The following MMEL1 variants were observed in gnomAD, a reference collection of about 807,000 sequenced individuals.
The protein encoded by MMEL1 is membrane metalloendopeptidase like 1, also known as membrane metallo-endopeptidase-like 1.
Under a neutral mutation model 117.1 loss-of-function variants are expected in MMEL1, and 98 were observed. The ratio of observed to expected loss-of-function variants is 0.84; its 90% CI spans 0.71 to 0.99. The LOEUF is 0.99. Among genes scored for constraint, MMEL1 ranks in the 50% least tolerant of loss-of-function variants. The pLI, the probability that MMEL1 is intolerant of heterozygous loss-of-function variation, is 0.00. For synonymous variants in MMEL1, 390 were observed against 415.1 expected (o/e 0.94, Z 0.74); for missense variants, 1,014 against 1,049.1 (o/e 0.97, Z 0.46).
intron 5 of MMEL1, 30 bp downstream of exon 5, chr1:2,609,640 C>T: frequency 6.3e-7 from 1 of 1,590,754 alleles, no homozygotes; most frequent in African/African-American, 1.3e-5. Context: ...TCGGCGTCAC[C>T]CCACTGCACC....
intron 2 of MMEL1, among the ~76,000 whole-genome samples, chr1:2,619,527 G>A (rs920401020): frequency 3.3e-5 from 5 of 151,798 alleles, no homozygotes; most frequent in Non-Finnish European, 2.9e-5. Flanking sequence ...GCATGGTGGC[G>A]GACACCTGTA....
At chr1:2,624,225 T>C (rs541736773) in intron 2 of MMEL1, among the ~76,000 whole-genome samples, 5 of 152,270 alleles carry the variant, frequency 3.3e-5, no homozygotes, top group East Asian at 3.9e-4. Flanking sequence ...CTCTGTGTCA[T>C]AGGCATCCAG....
chr1:2,623,626 T>C (rs1195619838), intron 2 of MMEL1, among the ~76,000 whole-genome samples: 1 of 152,214 alleles, frequency 6.6e-6, no homozygotes, highest in African/African-American at 2.4e-5. Flanking sequence ...GGCTGCTACA[T>C]GAGTTTGGAG....
chr1:2,590,787 G>A lies in MMEL1; in HGVS notation c.*203C>T, dbSNP rs541777439. 8 of 411,304 alleles carry A rather than the reference G, an allele frequency of 1.9e-5. No individual in the cohort carries two copies. Among genetic ancestry groups the A allele is most frequent in the South Asian group, 9.4e-5 (1 of 10,616 alleles). The allele number at this position is 411,304 out of a possible 1,614,324, so 25.5% of individuals were successfully genotyped here. Reference sequence around the variant, plus strand: ...CGCGGGTGTCTGTGGAGGGGGCTCCGGTCCAGGTACTGCACTGGACACTGC... The same window carrying A: ...CGCGGGTGTCTGTGGAGGGGGCTCCAGTCCAGGTACTGCACTGGACACTGC... On this transcript the variant is annotated 3_prime_UTR_variant, in exon 24 of 24. Transcript: ENST00000378412.
rs532256742 is a variant in MMEL1 at position 2,599,961 on chromosome 1, A to G, written c.1042-1171T>C. Among the ~76,000 whole-genome samples the G allele has an allele frequency of 2.0e-5, 3 of 152,056 alleles. No homozygotes were observed. The South Asian group carries it at 6.2e-4, about 32-fold the overall frequency. The stretch of plus-strand genomic sequence containing the variant: ...CAACAAAAACAACTCCATAGCAAAC[A>G]TAACTTTTTTTTAAATTTATTTTTG... On this transcript the variant is annotated intron_variant, in intron 11 of 23. Transcript: ENST00000378412.
chr1:2,612,212 G>T lies in MMEL1; in HGVS notation c.155-8C>A. 2 of 1,563,658 alleles carry T rather than the reference G, an allele frequency of 1.3e-6. No homozygotes were observed. Among genetic ancestry groups the T allele is most frequent in the South Asian group, 1.2e-5 (1 of 85,168 alleles). ...GGCGTGGCAGCTGCTTCCCTGGGGA[G>T]AAACACAGCGCTCAGCTGCGGCCTC... On this transcript the variant is annotated splice_polypyrimidine_tract_variant and splice_region_variant and intron_variant, in intron 2 of 23. Transcript: ENST00000378412. The surrounding 1 kb of genome is among the most constrained non-coding windows in gnomAD (Gnocchi z 5.4).
At chr1:2,600,536 GAA>G (rs56126904) in intron 11 of MMEL1, among the ~76,000 whole-genome samples, 6,157 of 150,546 alleles carry the variant, frequency 0.041, 215 homozygotes, top group African/African-American at 0.095. Context: ...CTGTTTCTGG[GAA>G]AAAAAAAAAA....
chr1:2,611,429 G>T, intron 3 of MMEL1, 89 bp from the exon 4 acceptor site: 1 of 773,438 alleles, frequency 1.3e-6, no homozygotes. Flanking sequence ...GGTCTGGTGG[G>T]TGTGGCATGG....
intron 2 of MMEL1, among the ~76,000 whole-genome samples, chr1:2,626,457 T>G (rs1415979440): frequency 6.6e-6 from 1 of 152,252 alleles, no homozygotes; most frequent in Non-Finnish European, 1.5e-5. Context: ...GCCACATACA[T>G]GCTTCATCTC....
At chr1:2,624,163 C>G (rs1233414496) in intron 2 of MMEL1, among the ~76,000 whole-genome samples, 1 of 152,190 alleles carries the variant, frequency 6.6e-6, no homozygotes, top group Non-Finnish European at 1.5e-5. Context: ...TAGTACTGAC[C>G]AGCAACAGCA....
At chr1:2,630,497 T>C in intron 1 of MMEL1, among the ~76,000 whole-genome samples, 1 of 152,126 alleles carries the variant, frequency 6.6e-6, no homozygotes, top group East Asian at 1.9e-4. Flanking sequence ...CGTGTGTGCG[T>C]GTGCTCTCGT....
At chr1:2,616,034 A>C (rs769959684) in intron 2 of MMEL1, among the ~76,000 whole-genome samples, 1 of 152,214 alleles carries the variant, frequency 6.6e-6, no homozygotes, top group African/African-American at 2.4e-5. Flanking sequence ...ATTTCAAGAC[A>C]TACTTAAAAG....
rs750915310 is a variant in MMEL1 at position 2,609,424 on chromosome 1, G to A, written c.455-5C>T. The stretch of plus-strand genomic sequence containing the variant: ...CAGTCGAATTCTCCAGCACCGCTGT[G>A]GGCACAGGAAAAGGTTGGACAGAGG... On this transcript the variant is annotated splice_polypyrimidine_tract_variant and splice_region_variant and intron_variant, in intron 5 of 23. Coordinates refer to ENST00000378412, the MANE Select transcript of MMEL1 (RefSeq NM_033467.4). 1.2e-6 allele frequency: 2 copies of A among 1,608,192 alleles called. No individual in the cohort carries two copies. The highest frequency in any genetic ancestry group is 3.4e-5 in the Admixed American group (2 of 59,324).
Position 2,632,857 on chromosome 1 carries a change from A to G in MMEL1, c.-38+9T>C. 1.0e-6 allele frequency: 1 copy of G among 985,572 alleles called. No homozygotes were observed. Among genetic ancestry groups the G allele is most frequent in the Non-Finnish European group, 1.2e-6 (1 of 830,004 alleles). 61.1% of individuals were successfully genotyped at this position (985,572 alleles called of 1,614,324 possible). A position where few individuals can be genotyped will look rare whatever the true frequency, so the allele number is the denominator to read the frequency against. On this transcript the variant is annotated intron_variant, in intron 1 of 23. Coordinates refer to ENST00000378412, the MANE Select transcript of MMEL1 (RefSeq NM_033467.4). ...AGCAGGCCGGGTACCTTCCTTCAGC[A>G]CAACTCACCTTTGCTCACTCAGGAG...
intron 2 of MMEL1, among the ~76,000 whole-genome samples, chr1:2,625,352 T>G (rs984189985): frequency 3.3e-5 from 5 of 152,218 alleles, no homozygotes; most frequent in African/African-American, 1.2e-4. Context: ...ATTTATCAAG[T>G]GATCCAAAAG....
chr1:2,604,417 C>T lies in MMEL1; in HGVS notation c.817-136G>A, dbSNP rs1644988477. 12 of 1,260,840 alleles carry T rather than the reference C, an allele frequency of 9.5e-6. No homozygotes were observed. The Admixed American group carries it at 2.6e-4, about 27-fold the overall frequency. 78.1% of individuals were successfully genotyped at this position (1,260,840 alleles called of 1,614,324 possible). On this transcript the variant is annotated intron_variant, in intron 9 of 23. Transcript: ENST00000378412. The stretch of plus-strand genomic sequence containing the variant: ...GTCCACCCACCTTGACCAGCAGGCT[C>T]TCGGGCACACAGAGTGCCGAGTGGG...
intron 6 of MMEL1, among the ~76,000 whole-genome samples, chr1:2,607,532 C>G (rs546244296): frequency 6.6e-6 from 1 of 151,992 alleles, no homozygotes; most frequent in African/African-American, 2.4e-5. Context: ...TCCTGTGTCT[C>G]GGCTCAGCAC....
Position 2,612,028 on chromosome 1 carries a change from G to A in MMEL1, c.232+99C>T. On this transcript the variant is annotated intron_variant, in intron 3 of 23. Transcript: ENST00000378412. This position sits in a 1 kb window ranked among gnomAD's most constrained non-coding sequence, Gnocchi z 5.4. ...GGCCCTCCTCCGGCACATGAGGGTTGGGCAGAACCCAGCCCCTGCCCCTCC... is the reference window on the plus strand; with the variant it reads ...GGCCCTCCTCCGGCACATGAGGGTTAGGCAGAACCCAGCCCCTGCCCCTCC... The A allele has an allele frequency of 1.9e-6, 2 of 1,048,084 alleles. No homozygotes were observed. The highest frequency in any genetic ancestry group is 2.9e-6 in the Non-Finnish European group (2 of 694,486). The allele number at this position is 1,048,084 out of a possible 1,614,324, so 64.9% of individuals were successfully genotyped here.
intron 18 of MMEL1, 124 bp downstream of exon 18, chr1:2,594,261 A>T: frequency 9.2e-7 from 1 of 1,085,384 alleles, no homozygotes; most frequent in Non-Finnish European, 1.4e-6. Flanking sequence ...GGGGTGACAT[A>T]GGAGAATGTT....
Sources: allele counts gnomAD v4.1 joint callset (sites outside exome capture counted in the v4.1 genomes callset), GRCh38; gene constraint gnomAD v4.1.1; non-coding constraint Gnocchi (gnomAD v3.1); transcripts MANE v1.5; gene names NCBI Gene and HGNC (gene_info 2026-07-23, HGNC 2026-07-21).